The following SS18 variants were observed in gnomAD, a reference collection of about 807,000 sequenced individuals.
The protein encoded by SS18 is SS18 subunit of BAF chromatin remodeling complex.
In SS18, 28 loss-of-function variants were observed where a neutral mutation model predicts 72.5. The observed-to-expected ratio is 0.39, with a 90% CI of 0.29 to 0.53. The LOEUF (loss-of-function observed/expected upper bound fraction) is 0.53. SS18 is among the 20% of genes least tolerant of loss of function. SS18 has a pLI of 0.76. For synonymous variants in SS18, 172 were observed against 164.2 expected (o/e 1.05, Z -0.37); for missense variants, 518 against 535.3 (o/e 0.97, Z 0.32).
At chr18:26,087,639 G>C in intron 1 of SS18, 62 bp from the exon 2 acceptor site, 3 of 971,784 alleles carry the variant, frequency 3.1e-6, no homozygotes, top group Non-Finnish European at 4.8e-6. Flanking sequence ...TAAAAAACTA[G>C]AAAATTCAGA....
chr18:26,082,087 T>C (rs1297561049), intron 2 of SS18, among the ~76,000 whole-genome samples: 3 of 151,956 alleles, frequency 2.0e-5, no homozygotes, highest in East Asian at 1.9e-4. Context: ...AAAGAGTATA[T>C]GTTGATATGA....
chr18:26,062,271 G>A (rs2054136845), intron 3 of SS18, among the ~76,000 whole-genome samples: 1 of 152,034 alleles, frequency 6.6e-6, no homozygotes, highest in African/African-American at 2.4e-5. Flanking sequence ...AAAAGAAAAA[G>A]ACAGCGAGAT....
intron 9 of SS18, among the ~76,000 whole-genome samples, chr18:26,033,518 A>G (rs2053578916): frequency 6.6e-6 from 1 of 152,094 alleles, no homozygotes; most frequent in Non-Finnish European, 1.5e-5. Context: ...GTCCAAAAAA[A>G]AAAAAAAAGC....
chr18:26,078,451 G>T (rs1041192042), intron 2 of SS18: 4 of 242,356 alleles, frequency 1.7e-5, no homozygotes, highest in Non-Finnish European at 3.1e-5. Context: ...CCATTTTACA[G>T]ATGAGAAACT....
chr18:26,034,146 T>C (rs1168932272), intron 9 of SS18, among the ~76,000 whole-genome samples: 1 of 152,162 alleles, frequency 6.6e-6, no homozygotes, highest in Non-Finnish European at 1.5e-5. Context: ...CAAGAGAATT[T>C]CAGTCTGACC....
intron 10 of SS18, among the ~76,000 whole-genome samples, chr18:26,029,338 A>C (rs2053504518): frequency 6.6e-6 from 1 of 152,182 alleles, no homozygotes; most frequent in Non-Finnish European, 1.5e-5. Flanking sequence ...AGAGGTGACT[A>C]ATGTCTTTAA....
chr18:26,043,574 A>C (rs1232624175), intron 5 of SS18, among the ~76,000 whole-genome samples: 2 of 152,232 alleles, frequency 1.3e-5, no homozygotes, highest in Non-Finnish European at 2.9e-5. Context: ...CAATTAGCTA[A>C]CTTACTATCT....
chr18:26,061,735 T>C (rs1343946361), intron 3 of SS18, among the ~76,000 whole-genome samples: 1 of 150,256 alleles, frequency 6.7e-6, no homozygotes, highest in East Asian at 1.9e-4. Context: ...GAAGATGAAA[T>C]AAAAATAAGT....
intron 2 of SS18, among the ~76,000 whole-genome samples, chr18:26,082,200 T>A (rs2054536408): frequency 6.6e-6 from 1 of 152,184 alleles, no homozygotes; most frequent in Non-Finnish European, 1.5e-5. Context: ...TATTCTCAAA[T>A]ACTCATGATT....
chr18:26,083,706 T>C (rs1384308723), intron 2 of SS18, among the ~76,000 whole-genome samples: 1 of 152,192 alleles, frequency 6.6e-6, no homozygotes, highest in Non-Finnish European at 1.5e-5. Flanking sequence ...TATGGTATTA[T>C]AATCTTTCGG....
chr18:26,082,928 G>C (rs549631480), intron 2 of SS18, among the ~76,000 whole-genome samples: 40 of 151,902 alleles, frequency 2.6e-4, no homozygotes, highest in Non-Finnish European at 5.3e-4. Context: ...TTAAGGAGTT[G>C]TTAATTTAAA....
At chr18:26,076,444 A>G (rs2054414285) in intron 3 of SS18, among the ~76,000 whole-genome samples, 1 of 151,930 alleles carries the variant, frequency 6.6e-6, no homozygotes, top group South Asian at 2.1e-4. Flanking sequence ...AATGGGACAA[A>G]AAACCATCCA....
chr18:26,054,763 G>A (rs564146978), intron 4 of SS18, among the ~76,000 whole-genome samples: 78 of 146,932 alleles, frequency 5.3e-4, no homozygotes, highest in Non-Finnish European at 1.0e-3. Context: ...TTTTTGAGAC[G>A]GAGTCTCATT....
chr18:26,087,490 AT>A lies in SS18; in HGVS notation c.146+10del. 6.6e-7 allele frequency: 1 copy of A among 1,519,920 alleles called. No individual in the cohort carries two copies. The highest frequency in any genetic ancestry group is 1.2e-5 in the South Asian group (1 of 82,780). The allele number at this position is 1,519,920 out of a possible 1,614,324, so 94.2% of individuals were successfully genotyped here. On this transcript the variant is annotated intron_variant, in intron 2 of 10. Coordinates refer to ENST00000415083, the MANE Select transcript of SS18 (RefSeq NM_001007559.3). ...AAACTGAATAAAAAAAAAGTTTCTT[AT>A]CAATCTTACTGAGAACACTCTGAGG...
intron 5 of SS18, among the ~76,000 whole-genome samples, chr18:26,043,693 G>A (rs1468911787): frequency 6.6e-6 from 1 of 151,998 alleles, no homozygotes; most frequent in Non-Finnish European, 1.5e-5. Flanking sequence ...ACAATATCAA[G>A]GATAAAAGAA....
intron 9 of SS18, 117 bp from the exon 10 acceptor site, chr18:26,032,649 G>C (rs2053563712): frequency 8.5e-7 from 1 of 1,175,522 alleles, no homozygotes; most frequent in Non-Finnish European, 1.2e-6. Context: ...AAAAAAGATA[G>C]TTTGGTACCT....
chr18:26,072,614 G>A (rs1251975918), intron 3 of SS18, among the ~76,000 whole-genome samples: 1 of 151,770 alleles, frequency 6.6e-6, no homozygotes, highest in Non-Finnish European at 1.5e-5. Context: ...TGGCTGACAA[G>A]GTGAAACCCC....
chr18:26,082,384 T>C, intron 2 of SS18: 1 of 951,924 alleles, frequency 1.1e-6, no homozygotes, highest in Non-Finnish European at 1.3e-6. Context: ...GAATATTTAT[T>C]AGACAACGGG....
chr18:26,080,714 TA>T (rs2054502410), intron 2 of SS18, among the ~76,000 whole-genome samples: 1 of 152,238 alleles, frequency 6.6e-6, no homozygotes, highest in African/African-American at 2.4e-5. Flanking sequence ...AAGTCTTGTA[TA>T]TTTTTTCTCC....
Sources: allele counts gnomAD v4.1 joint callset (sites outside exome capture counted in the v4.1 genomes callset), GRCh38; gene constraint gnomAD v4.1.1; transcripts MANE v1.5; gene names NCBI Gene and HGNC (gene_info 2026-07-23, HGNC 2026-07-21).